The following FAM13C variants were observed in gnomAD, a reference collection of about 807,000 sequenced individuals.
FAM13C encodes family with sequence similarity 13 member C, also known as protein FAM13C.
Under a neutral mutation model 73.2 loss-of-function variants are expected in FAM13C, and 37 were observed. That is an observed-to-expected ratio of 0.51 (90% CI 0.39 to 0.67). The LOEUF (loss-of-function observed/expected upper bound fraction) is 0.67, where lower values mean the gene tolerates loss of function less well. Ranked by LOEUF, FAM13C falls within the 30% of genes least tolerant of loss-of-function variation. The pLI is 0.00. For synonymous variants in FAM13C, 246 were observed against 260.9 expected (o/e 0.94, Z 0.55); for missense variants, 589 against 715.6 (o/e 0.82, Z 2.02).
At chr10:59,288,118 T>C (rs1195915542) in intron 5 of FAM13C, among the ~76,000 whole-genome samples, 2 of 152,238 alleles carry the variant, frequency 1.3e-5, no homozygotes, top group Admixed American at 6.5e-5. Context: ...AGAATTTCAC[T>C]GCACAGGAGT....
At chr10:59,352,636 A>G (rs1855215638) in intron 2 of FAM13C, among the ~76,000 whole-genome samples, 162 bp from the exon 3 acceptor site, 1 of 152,208 alleles carries the variant, frequency 6.6e-6, no homozygotes, top group Non-Finnish European at 1.5e-5. Flanking sequence ...ACAAAAACTT[A>G]AATGTGAATT....
chr10:59,261,805 C>T (rs575359180), intron 10 of FAM13C, among the ~76,000 whole-genome samples: 1 of 152,128 alleles, frequency 6.6e-6, no homozygotes, highest in South Asian at 2.1e-4. Flanking sequence ...GAGAGATTAA[C>T]CAGGTAAATA....
chr10:59,262,181 G>A (rs1169067841), intron 10 of FAM13C, among the ~76,000 whole-genome samples: 1 of 151,528 alleles, frequency 6.6e-6, no homozygotes, highest in Non-Finnish European at 1.5e-5. Context: ...AAAGGGATAT[G>A]ATATACCCTG....
chr10:59,341,318 C>G (rs536921642), intron 3 of FAM13C, among the ~76,000 whole-genome samples: 1 of 152,190 alleles, frequency 6.6e-6, no homozygotes, highest in Non-Finnish European at 1.5e-5. Context: ...GCAACATTAC[C>G]AAGCCAAGCA....
intron 3 of FAM13C, among the ~76,000 whole-genome samples, chr10:59,343,223 A>T (rs1366467121): frequency 1.3e-5 from 2 of 152,216 alleles, no homozygotes; most frequent in Non-Finnish European, 2.9e-5. Flanking sequence ...TTTGTTCCCT[A>T]TCATAATGAA....
At chr10:59,321,710 G>A (rs1850327598) in intron 4 of FAM13C, among the ~76,000 whole-genome samples, 1 of 151,866 alleles carries the variant, frequency 6.6e-6, no homozygotes, top group Non-Finnish European at 1.5e-5. Flanking sequence ...AAATTATTTG[G>A]CATTCGTGAA....
chr10:59,271,633 G>A (rs934887907), intron 6 of FAM13C, among the ~76,000 whole-genome samples: 3 of 152,138 alleles, frequency 2.0e-5, no homozygotes, highest in African/African-American at 7.2e-5. Context: ...AGAAAACTCT[G>A]CAGTTTGGAA....
intron 8 of FAM13C, among the ~76,000 whole-genome samples, chr10:59,264,977 G>T (rs1164006918): frequency 6.6e-6 from 1 of 152,046 alleles, no homozygotes; most frequent in Non-Finnish European, 1.5e-5. Context: ...TATGTGCATT[G>T]TTAATGACCA....
rs193178834 is a variant in FAM13C at position 59,320,876 on chromosome 10, T to C, written c.443+3112A>G. 2.1e-3 allele frequency among the ~76,000 whole-genome samples: 315 copies of C among 152,336 alleles called. 2 individuals carry two copies. Among genetic ancestry groups the C allele is most frequent in the African/African-American group, 7.4e-3 (306 of 41,580 alleles). Reference sequence around the variant, plus strand: ...AAACCTTTAGGCTGAACTTAAAATATGTAATGAGGCAGCTTTAGGCCAACC... The same window carrying C: ...AAACCTTTAGGCTGAACTTAAAATACGTAATGAGGCAGCTTTAGGCCAACC... On this transcript the variant is annotated intron_variant, in intron 4 of 13. Coordinates refer to ENST00000618804, the MANE Select transcript of FAM13C (RefSeq NM_198215.4).
intron 4 of FAM13C, among the ~76,000 whole-genome samples, chr10:59,314,941 C>A (rs1249768671): frequency 1.3e-5 from 2 of 152,152 alleles, no homozygotes; most frequent in Non-Finnish European, 2.9e-5. Flanking sequence ...CCCAAGTGAC[C>A]TAAACCACAA....
intron 5 of FAM13C, among the ~76,000 whole-genome samples, chr10:59,297,627 C>A (rs1303944627): frequency 6.6e-6 from 1 of 152,176 alleles, no homozygotes; most frequent in Non-Finnish European, 1.5e-5. Context: ...AATTCCTCAA[C>A]CCCCTCAGTT....
chr10:59,255,135 CT>C (rs1211446279), intron 10 of FAM13C, among the ~76,000 whole-genome samples: 1 of 152,096 alleles, frequency 6.6e-6, no homozygotes, highest in African/African-American at 2.4e-5. Flanking sequence ...AAATACCAAC[CT>C]TATACAGGTC....
intron 5 of FAM13C, among the ~76,000 whole-genome samples, chr10:59,285,998 A>AGGT (rs1369099196): frequency 6.6e-6 from 1 of 152,234 alleles, no homozygotes; most frequent in African/African-American, 2.4e-5. Context: ...GACTAACACA[A>AGGT]GGTGGACACA....
intron 4 of FAM13C, among the ~76,000 whole-genome samples, chr10:59,304,187 TTC>T (rs1429478267): frequency 6.6e-6 from 1 of 152,194 alleles, no homozygotes; most frequent in Non-Finnish European, 1.5e-5. Context: ...CTTTGCCTAC[TTC>T]TTTTATGAGG....
intron 3 of FAM13C, among the ~76,000 whole-genome samples, chr10:59,340,550 A>G (rs993973816): frequency 2.6e-5 from 4 of 152,088 alleles, no homozygotes; most frequent in African/African-American, 9.7e-5. Context: ...ACTCTCCATT[A>G]CATCAAGAAC....
intron 4 of FAM13C, among the ~76,000 whole-genome samples, chr10:59,313,055 T>C (rs986215164): frequency 1.3e-5 from 2 of 152,164 alleles, no homozygotes; most frequent in Non-Finnish European, 2.9e-5. Context: ...AGGGTAAACA[T>C]GTGGCCTGAA....
At chr10:59,278,843 C>G (rs1000328566) in intron 6 of FAM13C, among the ~76,000 whole-genome samples, 3 of 152,044 alleles carry the variant, frequency 2.0e-5, no homozygotes, top group Admixed American at 6.6e-5. Flanking sequence ...TACACACACA[C>G]ACACACACAC....
intron 11 of FAM13C, 52 bp downstream of exon 11, chr10:59,254,296 C>G (rs1903252): frequency 8.3e-7 from 1 of 1,199,116 alleles, no homozygotes; most frequent in Non-Finnish European, 1.2e-6. Context: ...ATGTGACATC[C>G]TGTTAACTAC....
At chr10:59,327,691 A>T (rs1851364763) in intron 3 of FAM13C, 1 of 152,100 alleles carries the variant, frequency 6.6e-6, no homozygotes, top group Non-Finnish European at 1.5e-5. Flanking sequence ...AAAATTGTAG[A>T]ACATTAAAGT....
Sources: allele counts gnomAD v4.1 joint callset (sites outside exome capture counted in the v4.1 genomes callset), GRCh38; gene constraint gnomAD v4.1.1; transcripts MANE v1.5; gene names NCBI Gene and HGNC (gene_info 2026-07-23, HGNC 2026-07-21).